EFCAB3: variants seen among roughly 807,000 people sequenced by gnomAD.
EFCAB3 encodes EF-hand calcium binding domain 3, also known as EF-hand calcium-binding domain-containing protein 3.
In EFCAB3, 36 loss-of-function variants were observed where a neutral mutation model predicts 42.2. The observed-to-expected ratio is 0.85, with a 90% CI of 0.65 to 1.13. The LOEUF (loss-of-function observed/expected upper bound fraction) is 1.13, where lower values mean the gene tolerates loss of function less well. EFCAB3 is among the 50% of genes most tolerant of loss of function. The pLI, the probability that EFCAB3 is intolerant of heterozygous loss-of-function variation, is 0.00. For synonymous variants in EFCAB3, 170 were observed against 172.8 expected (o/e 0.98, Z 0.13); for missense variants, 418 against 505.1 (o/e 0.83, Z 1.65).
At chr17:62,382,077 C>G (rs2070207148) in intron 1 of EFCAB3, 1 of 181,810 alleles carries the variant, frequency 5.5e-6, no homozygotes, top group African/African-American at 2.4e-5. Flanking sequence ...AACAAACAAA[C>G]AACAGTTGGT....
intron 4 of EFCAB3, 81 bp from the exon 5 acceptor site, chr17:62,393,492 T>G (rs553307869): frequency 9.0e-7 from 1 of 1,114,018 alleles, no homozygotes; most frequent in South Asian, 1.6e-5. Flanking sequence ...ATCCAGAGTG[T>G]TTTAATTTTT....
intron 1 of EFCAB3, 101 bp from the exon 2 acceptor site, chr17:62,382,862 C>T (rs1018970476): frequency 1.0e-6 from 1 of 985,162 alleles, no homozygotes; most frequent in Non-Finnish European, 1.5e-6. Context: ...TCTTGAGGCC[C>T]TAGACTTTTC....
At chr17:62,378,202 A>G (rs1424805773), upstream of EFCAB3, among the ~76,000 whole-genome samples, 1 of 152,206 alleles carries the variant, frequency 6.6e-6, no homozygotes, top group Non-Finnish European at 1.5e-5. Context: ...TTGTACCTTT[A>G]TAGTCCACAC....
intron 6 of EFCAB3, among the ~76,000 whole-genome samples, chr17:62,396,593 C>A (rs920661035): frequency 6.6e-6 from 1 of 150,448 alleles, no homozygotes; most frequent in Admixed American, 6.6e-5. Context: ...ATTGAAGCTT[C>A]GTTTAAAAAA....
chr17:62,398,089 A>G (rs1324496643), intron 6 of EFCAB3: 3 of 328,564 alleles, frequency 9.1e-6, no homozygotes, highest in East Asian at 8.7e-5. Context: ...CAAAGTGCCC[A>G]ATGTCTCTCT....
intron 1 of EFCAB3, chr17:62,373,694 T>C: frequency 4.8e-6 from 3 of 624,330 alleles, no homozygotes; most frequent in South Asian, 1.9e-5. Context: ...AGCAAACCAA[T>C]GTTTCTAGTT....
chr17:62,401,276 G>C (rs973194120), intron 6 of EFCAB3, among the ~76,000 whole-genome samples: 10 of 152,210 alleles, frequency 6.6e-5, no homozygotes, highest in Non-Finnish European at 1.3e-4. Context: ...TTGCTGTGCA[G>C]AAGCTCTTTA....
At chr17:62,370,924 C>T (rs1328966224) in intron 1 of EFCAB3, among the ~76,000 whole-genome samples, 2 of 133,474 alleles carry the variant, frequency 1.5e-5, no homozygotes, top group Non-Finnish European at 3.2e-5. Context: ...CCTGTCTCTA[C>T]AAAAAAAAAA....
Position 62,381,718 on chromosome 17 carries a change from C to T in EFCAB3, c.-18+1105C>T, listed in dbSNP as rs115760106. 1,425 of 244,292 alleles carry T rather than the reference C, an allele frequency of 5.8e-3. 22 individuals are homozygous for T. Among genetic ancestry groups the T allele is most frequent in the African/African-American group, 0.031 (1,351 of 44,032 alleles). The allele number at this position is 244,292 out of a possible 1,614,324, so 15.1% of individuals were successfully genotyped here. ...CTGGCTGCCCTCGGGGGCAGCACCT[C>T]CCTCAGAGCCAAAGACATCAAGAGG... On this transcript the variant is annotated intron_variant, in intron 1 of 9. Transcript: ENST00000305286.
At chr17:62,405,186 G>T (rs565364027) in intron 6 of EFCAB3, among the ~76,000 whole-genome samples, 1 of 152,318 alleles carries the variant, frequency 6.6e-6, no homozygotes, top group African/African-American at 2.4e-5. Context: ...GACCTGGTGG[G>T]AATTAAATTA....
intron 8 of EFCAB3, 25 bp downstream of exon 8, chr17:62,407,237 A>G: frequency 6.6e-7 from 1 of 1,504,594 alleles, no homozygotes; most frequent in Non-Finnish European, 8.9e-7. Context: ...ATGTCACATT[A>G]GTTAAATACT....
intron 6 of EFCAB3, among the ~76,000 whole-genome samples, chr17:62,403,672 T>C (rs2070423399): frequency 6.6e-6 from 1 of 152,134 alleles, no homozygotes; most frequent in Admixed American, 6.5e-5. Context: ...AGTCTTGCTC[T>C]CTTATCTCCC....
chr17:62,389,869 C>T (rs2144074883), intron 3 of EFCAB3, among the ~76,000 whole-genome samples: 1 of 152,078 alleles, frequency 6.6e-6, no homozygotes, highest in African/African-American at 2.4e-5. Context: ...TCACTGCAAG[C>T]TCCGCCTCCC....
chr17:62,390,996 C>T (rs924014076), intron 3 of EFCAB3, among the ~76,000 whole-genome samples: 1 of 152,214 alleles, frequency 6.6e-6, no homozygotes, highest in African/African-American at 2.4e-5. Context: ...CATACATACA[C>T]ACATATGTGA....
intron 2 of EFCAB3, among the ~76,000 whole-genome samples, chr17:62,383,611 G>GA (rs1274932672): frequency 2.6e-5 from 4 of 152,184 alleles, no homozygotes; most frequent in East Asian, 3.9e-4. Context: ...TTTATGAAAA[G>GA]AAAAAGATAT....
rs2070291436 is a variant in EFCAB3 at position 62,390,185 on chromosome 17, C to T, written c.152-1637C>T. The stretch of plus-strand genomic sequence containing the variant: ...CACAGTGTACTTTTTAAGGGAGAAA[C>T]AGCAAAAGTTTATACAACAATAGGA... On this transcript the variant is annotated intron_variant, in intron 3 of 9. Coordinates refer to ENST00000305286, the MANE Select transcript of EFCAB3 (RefSeq NM_173503.4). Among the ~76,000 whole-genome samples the T allele has an allele frequency of 2.6e-5, 4 of 152,160 alleles. 1 individual carries two copies. In the South Asian group the frequency reaches 8.3e-4, roughly 32 times the overall value.
upstream of EFCAB3, among the ~76,000 whole-genome samples, chr17:62,375,614 T>A (rs1005664195): frequency 3.9e-5 from 6 of 152,246 alleles, no homozygotes; most frequent in Non-Finnish European, 8.8e-5. Context: ...TGCTTTCAGA[T>A]AATTGAAGAT....
intron 2 of EFCAB3, among the ~76,000 whole-genome samples, chr17:62,385,844 G>A (rs1036824868): frequency 1.0e-4 from 15 of 147,844 alleles, no homozygotes; most frequent in Admixed American, 2.0e-4. Flanking sequence ...CTCAGCCTCC[G>A]AAGTAGCTGG....
At chr17:62,379,612 T>G (rs1185377252), upstream of EFCAB3, among the ~76,000 whole-genome samples, 1 of 152,118 alleles carries the variant, frequency 6.6e-6, no homozygotes, top group Non-Finnish European at 1.5e-5. Flanking sequence ...CAAATCCCCC[T>G]GAGCAGGAAT....
Sources: allele counts gnomAD v4.1 joint callset (sites outside exome capture counted in the v4.1 genomes callset), GRCh38; gene constraint gnomAD v4.1.1; transcripts MANE v1.5; gene names NCBI Gene and HGNC (gene_info 2026-07-23, HGNC 2026-07-21).